Variants in PCDHGA5 observed in about 807,000 individuals in gnomAD.
PCDHGA5 encodes the protein protocadherin gamma subfamily A, 5, also known as protocadherin gamma-A5.
In PCDHGA5, 36 loss-of-function variants were observed where a neutral mutation model predicts 56.7. The ratio of observed to expected loss-of-function variants is 0.64; its 90% CI spans 0.49 to 0.84. The LOEUF is 0.84. PCDHGA5 is among the 40% of genes least tolerant of loss of function. The pLI is 0.00. For missense variants in PCDHGA5, 1,305 were observed against 1,201.5 expected, an observed-to-expected ratio of 1.09 and a Z score of -1.27; for synonymous variants, 563 against 520.2, an observed-to-expected ratio of 1.08 and a Z score of -1.12.
chr5:141,398,105 G>A (rs778559832), intron 1 of PCDHGA5: 2 of 1,595,534 alleles, frequency 1.3e-6, no homozygotes, highest in East Asian at 4.5e-5. Context: ...AGGCTGGTGA[G>A]CAAGCTGAGG....
intron 1 of PCDHGA5, chr5:141,376,544 G>C: frequency 6.2e-7 from 1 of 1,612,818 alleles, no homozygotes; most frequent in South Asian, 1.1e-5. Context: ...AGAGTAATCT[G>C]ATCTTCCCGC....
At chr5:141,505,081 G>A (rs2099843521) in intron 2 of PCDHGA5, among the ~76,000 whole-genome samples, 3 of 152,146 alleles carry the variant, frequency 2.0e-5, no homozygotes, top group Admixed American at 2.0e-4. Flanking sequence ...AGAATCGCTT[G>A]AACCCAGGAG....
At chr5:141,500,250 C>T (rs913074120) in intron 2 of PCDHGA5, among the ~76,000 whole-genome samples, 4 of 149,826 alleles carry the variant, frequency 2.7e-5, no homozygotes, top group African/African-American at 9.9e-5. Flanking sequence ...GCTCTGTCAC[C>T]CAGGCTGGAC....
At position 141,511,211 on chromosome 5, in the gene PCDHGA5, C is replaced by G; in HGVS notation, c.*38C>G. ...GCCAAGAGCCACAGGGCGGCCTCTC[C>G]CCAACCAGCCCAGCTTCTCCTTACC... On this transcript the variant is annotated 3_prime_UTR_variant, in exon 4 of 4. Transcript: ENST00000518069. The G allele has an allele frequency of 6.2e-7, 1 of 1,608,626 alleles. No individual in the cohort carries two copies. The highest frequency in any genetic ancestry group is 8.5e-7 in the Non-Finnish European group (1 of 1,177,476).
chr5:141,397,738 C>T (rs1211172946), intron 1 of PCDHGA5, among the ~76,000 whole-genome samples: 1 of 152,162 alleles, frequency 6.6e-6, no homozygotes, highest in East Asian at 1.9e-4. Flanking sequence ...AGAAAGATAC[C>T]TTAAAGAAGT....
intron 1 of PCDHGA5, chr5:141,375,025 T>C (rs1771054334): frequency 3.7e-6 from 6 of 1,614,042 alleles, no homozygotes; most frequent in Non-Finnish European, 5.1e-6. Flanking sequence ...ACTCGAGTTT[T>C]TATGAGCTGG....
rs914010009 is a variant in PCDHGA5, at chr5:141,364,171, C to G, written c.-160C>G. ...AAGCTGCCGCAGAGGCGACCCGACT[C>G]TGCTCCCTCCATACTAAACACACAG... On this transcript the variant is annotated 5_prime_UTR_variant, in exon 1 of 4. Transcript: ENST00000518069. The G allele has an allele frequency of 9.3e-5, 73 of 786,522 alleles. No homozygotes were observed. The highest frequency in any genetic ancestry group is 2.2e-4 in the Admixed American group (6 of 26,900). The allele number at this position is 786,522 out of a possible 1,614,324, so 48.7% of individuals were successfully genotyped here. A position where few individuals can be genotyped will look rare whatever the true frequency, so the allele number is the denominator to read the frequency against.
rs373516334 is a variant in PCDHGA5 at position 141,414,175 on chromosome 5, A to G, written c.2421+47424A>G. On this transcript the variant is annotated intron_variant, in intron 1 of 3. Transcript: ENST00000518069. ...AGAAGATGGAGGAGCATATCTTGCA[A>G]CTGCAAAAGTGTTGATTACAGTAGA... 1.6e-5 allele frequency: 25 copies of G among 1,607,698 alleles called. No homozygotes were observed. The highest frequency in any genetic ancestry group is 1.3e-4 in the South Asian group (12 of 90,242).
chr5:141,490,936 C>T lies in PCDHGA5; in HGVS notation c.2422-3871C>T. 6.2e-7 allele frequency: 1 copy of T among 1,613,694 alleles called. No individual in the cohort carries two copies. On this transcript the variant is annotated intron_variant, in intron 1 of 3. Transcript: ENST00000518069. The surrounding 1 kb of genome is among the most constrained non-coding windows in gnomAD (Gnocchi z 5.4). ...GAATGATAATGCCCCAGCTGTGCTG[C>T]ACCCACGGCCAGACTGGGAACACTC...
chr5:141,409,483 G>A, intron 1 of PCDHGA5: 1 of 1,613,944 alleles, frequency 6.2e-7, no homozygotes, highest in Non-Finnish European at 8.5e-7. Context: ...CCACTGACAG[G>A]GGCAAGCCGC....
rs1421670958 is a variant in PCDHGA5, at chr5:141,432,558, A to C, written c.2422-62249A>C. ...GTGGCGGTGGACAGAGACTCCGGCC[A>C]GAACGCCTGGCTGTCCTACCGTCTG... On this transcript the variant is annotated intron_variant, in intron 1 of 3. Transcript: ENST00000518069. This position sits in a 1 kb window ranked among gnomAD's most constrained non-coding sequence, Gnocchi z 6.0. The C allele has an allele frequency of 1.9e-6, 3 of 1,613,756 alleles. No individual in the cohort carries two copies. The highest frequency in any genetic ancestry group is 2.2e-5 in the South Asian group (2 of 91,060).
At chr5:141,427,879 C>T in intron 1 of PCDHGA5, 1 of 1,562,380 alleles carries the variant, frequency 6.4e-7, no homozygotes. Context: ...ACGATGCAGG[C>T]CCACGACCAG....
chr5:141,379,047 T>C (rs570619122), intron 1 of PCDHGA5: 2 of 152,352 alleles, frequency 1.3e-5, no homozygotes, highest in East Asian at 1.9e-4. Flanking sequence ...GGTGGTATTA[T>C]AGAATGGATT....
chr5:141,390,297 G>C, intron 1 of PCDHGA5: 2 of 1,613,826 alleles, frequency 1.2e-6, no homozygotes, highest in Non-Finnish European at 1.7e-6. Context: ...TTTCCTTTAA[G>C]TATAATTTAA....
chr5:141,487,403 C>T lies in PCDHGA5; in HGVS notation c.2422-7404C>T. 1 of 1,614,140 alleles carries T rather than the reference C, an allele frequency of 6.2e-7. No homozygotes were observed. Among genetic ancestry groups the T allele is most frequent in the South Asian group, 1.1e-5 (1 of 91,082 alleles). ...CAGATCTCGAAGGAGGGAGGGGCTTCCCCCTTCCAATGGGATCCTCCGAAT... is the reference window on the plus strand; with the variant it reads ...CAGATCTCGAAGGAGGGAGGGGCTTTCCCCTTCCAATGGGATCCTCCGAAT... On this transcript the variant is annotated intron_variant, in intron 1 of 3. Coordinates refer to ENST00000518069, the MANE Select transcript of PCDHGA5 (RefSeq NM_018918.3). The surrounding 1 kb of genome is among the most constrained non-coding windows in gnomAD (Gnocchi z 5.0).
intron 1 of PCDHGA5, chr5:141,382,874 G>A (rs369372304): frequency 1.6e-5 from 24 of 1,523,072 alleles, no homozygotes; most frequent in Non-Finnish European, 1.8e-6. Context: ...CGAGATCGGC[G>A]CCTAAGCAAG....
In PCDHGA5 at chr5:141,370,930, CTT is replaced by C. The variant is rs762522894; in HGVS notation, c.2421+4181_2421+4182del. Reference sequence around the variant, plus strand: ...TACCTCAGCCCTGATCCGCACTTCTCTTTGATTCAGAAGGAGAACCTGGATGG... The same window carrying C: ...TACCTCAGCCCTGATCCGCACTTCTCTGATTCAGAAGGAGAACCTGGATGG... On this transcript the variant is annotated intron_variant, in intron 1 of 3. Transcript: ENST00000518069. The C allele has an allele frequency of 1.1e-5, 18 of 1,613,894 alleles. No homozygotes were observed. In the African/African-American group the frequency reaches 2.1e-4, roughly 19 times the overall value.
intron 1 of PCDHGA5, 137 bp from the exon 2 acceptor site, chr5:141,494,670 C>T: frequency 6.5e-7 from 1 of 1,529,402 alleles, no homozygotes; most frequent in Non-Finnish European, 8.8e-7. Flanking sequence ...GGAGATGAGT[C>T]CACCCCTGCC....
chr5:141,370,266 G>A, intron 1 of PCDHGA5: 2 of 765,958 alleles, frequency 2.6e-6, no homozygotes, highest in Non-Finnish European at 4.1e-6. Flanking sequence ...GCTTCCTGCA[G>A]CGGAGACACC....
Sources: allele counts gnomAD v4.1 joint callset (sites outside exome capture counted in the v4.1 genomes callset), GRCh38; gene constraint gnomAD v4.1.1; non-coding constraint Gnocchi (gnomAD v3.1); transcripts MANE v1.5; gene names NCBI Gene and HGNC (gene_info 2026-07-23, HGNC 2026-07-21).